The following C1orf94 variants were observed in gnomAD, a reference collection of about 807,000 sequenced individuals.
C1orf94 encodes the protein uncharacterized protein C1orf94.
In C1orf94, 45 loss-of-function variants were observed where a neutral mutation model predicts 53.6. The observed-to-expected ratio is 0.84, with a 90% confidence interval of 0.66 to 1.08. The LOEUF (loss-of-function observed/expected upper bound fraction) is 1.08. C1orf94 is among the 50% of genes least tolerant of loss of function. C1orf94 has a pLI of 0.00. For missense variants in C1orf94, 762 were observed against 738.9 expected (o/e 1.03, Z -0.36); for synonymous variants, 304 against 296.1 (o/e 1.03, Z -0.27).
chr1:34,210,015 C>G (rs1409139631), intron 5 of C1orf94, among the ~76,000 whole-genome samples: 3 of 152,168 alleles, frequency 2.0e-5, no homozygotes, highest in Admixed American at 6.5e-5. Context: ...ATGCGGCATT[C>G]TGGGCACACT....
chr1:34,193,741 T>C (rs1195720267), intron 1 of C1orf94, among the ~76,000 whole-genome samples: 1 of 152,238 alleles, frequency 6.6e-6, no homozygotes, highest in Non-Finnish European at 1.5e-5. Context: ...CATATATGGA[T>C]GACTGGCTTC....
At chr1:34,173,502 G>A (rs1330770474), upstream of C1orf94, among the ~76,000 whole-genome samples, 1 of 152,186 alleles carries the variant, frequency 6.6e-6, no homozygotes, top group East Asian at 1.9e-4. Context: ...GCTTTGACTG[G>A]ATGGGAGGTA....
At chr1:34,168,596 T>A (rs1355342971) in intron 1 of C1orf94, among the ~76,000 whole-genome samples, 1 of 152,154 alleles carries the variant, frequency 6.6e-6, no homozygotes, top group Non-Finnish European at 1.5e-5. Context: ...AACAGAAATG[T>A]ATTGCCTCAC....
intron 2 of C1orf94, among the ~76,000 whole-genome samples, chr1:34,198,408 C>T (rs1252215846): frequency 6.6e-6 from 1 of 152,176 alleles, no homozygotes; most frequent in Non-Finnish European, 1.5e-5. Context: ...GTAAATTATC[C>T]AGGCATAGTG....
At chr1:34,216,403 G>T (rs941224814) in intron 6 of C1orf94, among the ~76,000 whole-genome samples, 1 of 152,132 alleles carries the variant, frequency 6.6e-6, no homozygotes, top group Admixed American at 6.6e-5. Flanking sequence ...ATCTAGTGAG[G>T]TGGGGAAAAA....
chr1:34,202,610 G>A (rs1250059417), intron 4 of C1orf94, among the ~76,000 whole-genome samples: 4 of 152,192 alleles, frequency 2.6e-5, no homozygotes, highest in African/African-American at 9.7e-5. Flanking sequence ...GGCTGGTTAA[G>A]TGCTTGGGCT....
At chr1:34,189,879 G>A (rs933676555) in intron 1 of C1orf94, among the ~76,000 whole-genome samples, 24 of 152,320 alleles carry the variant, frequency 1.6e-4, no homozygotes, top group Admixed American at 1.6e-3. Flanking sequence ...AATTGTAGAA[G>A]GTCACCCGTC....
chr1:34,178,392 A>C (rs1054584281), intron 1 of C1orf94, among the ~76,000 whole-genome samples: 6 of 152,184 alleles, frequency 3.9e-5, no homozygotes, highest in Non-Finnish European at 7.3e-5. Context: ...GGTCCTTGAA[A>C]AACCACCCTA....
At chr1:34,210,673 T>A (rs1642873903) in intron 5 of C1orf94, among the ~76,000 whole-genome samples, 2 of 151,812 alleles carry the variant, frequency 1.3e-5, no homozygotes, top group South Asian at 2.1e-4. Flanking sequence ...TTTTTTTTTT[T>A]AGACGGAGTC....
At chr1:34,196,414 T>C (rs548764285) in intron 1 of C1orf94, among the ~76,000 whole-genome samples, 22 of 152,204 alleles carry the variant, frequency 1.4e-4, no homozygotes, top group African/African-American at 5.3e-4. Context: ...TCCCCACTGC[T>C]GGTGCTGTAC....
rs1211655404 is a variant in C1orf94, at chr1:34,218,692, C to G, written c.1728C>G (p.Gly576=). 2 of 1,611,812 alleles carry G rather than the reference C, an allele frequency of 1.2e-6. No individual in the cohort carries two copies. The highest frequency in any genetic ancestry group is 3.3e-5 in the Admixed American group (2 of 59,958). Residue 576 remains glycine (G), a synonymous_variant, in exon 7 of 7, where the codon GGC becomes GGG. Coordinates refer to ENST00000488417, the MANE Select transcript of C1orf94 (RefSeq NM_001134734.2). ...CACCCTCCCTCTCTTCCAGGTTCGGCTCGACATCCGGAGGGCCCTTGATGC... is the reference window on the plus strand; with the variant it reads ...CACCCTCCCTCTCTTCCAGGTTCGGGTCGACATCCGGAGGGCCCTTGATGC... ...QYLFPQGYGF[G]STSGGPLMHS... is the part of the protein sequence containing the mutation.
chr1:34,197,383 G>A lies in C1orf94; in HGVS notation c.479G>A (p.Cys160Tyr). 1 of 1,613,326 alleles carries A rather than the reference G, an allele frequency of 6.2e-7. No homozygotes were observed. Residue 160 changes from cysteine (C) to tyrosine (Y), a missense_variant, in exon 2 of 7, where the codon TGC (cysteine) becomes TAC (tyrosine). By Grantham distance (194) the Cys-to-Tyr change is radical. Coordinates refer to ENST00000488417, the MANE Select transcript of C1orf94 (RefSeq NM_001134734.2). This position sits in a 1 kb window ranked among gnomAD's most constrained non-coding sequence, Gnocchi z 4.1. ...SPEGTRELAPCILAPPLVAGS... is the reference protein window; with the variant it reads ...SPEGTRELAPYILAPPLVAGS... Reference sequence around the variant, plus strand: ...GAGGGGACCAGAGAGCTGGCTCCCTGCATTCTTGCCCCTCCTCTAGTGGCA... The same window carrying A: ...GAGGGGACCAGAGAGCTGGCTCCCTACATTCTTGCCCCTCCTCTAGTGGCA...
At chr1:34,200,572 G>C in intron 2 of C1orf94, among the ~76,000 whole-genome samples, 200 bp from the exon 3 acceptor site, 1 of 152,144 alleles carries the variant, frequency 6.6e-6, no homozygotes, top group East Asian at 1.9e-4. Flanking sequence ...ATTGATGGAT[G>C]CATGAGATCG....
chr1:34,169,603 G>GAGAGAGAGAGAGAGAGAA (rs1642110313), intron 1 of C1orf94, among the ~76,000 whole-genome samples: 2 of 82,254 alleles, frequency 2.4e-5, no homozygotes, highest in African/African-American at 9.3e-5. Flanking sequence ...AGCTGAGAGA[G>GAGAGAGAGAGAGAGAGAA]AGAGAGAGAG....
In C1orf94 at chr1:34,212,324, C is replaced by A. The variant is rs373171181; in HGVS notation, c.1639C>A (p.Pro547Thr). Residue 547 changes from proline to threonine, a missense_variant, in exon 6 of 7, where the codon CCT becomes ACT. Physicochemically the swap from Pro to Thr is conservative, Grantham distance 38 (BLOSUM62 -1). Coordinates refer to ENST00000488417, the MANE Select transcript of C1orf94 (RefSeq NM_001134734.2). ...QPNYPYPQRT[P>T]PKMSANPRDP... is the part of the protein sequence containing the mutation. ...CAATTATCCCTACCCTCAGAGGACACCTCCAAAGATGTCTGCCAACCCCCG... is the reference window on the plus strand; with the variant it reads ...CAATTATCCCTACCCTCAGAGGACAACTCCAAAGATGTCTGCCAACCCCCG... 1 of 1,614,000 alleles carries A rather than the reference C, an allele frequency of 6.2e-7. No individual in the cohort carries two copies. Among genetic ancestry groups the A allele is most frequent in the Admixed American group, 1.7e-5 (1 of 60,010 alleles).
At chr1:34,188,046 CG>C (rs1385706082) in intron 1 of C1orf94, among the ~76,000 whole-genome samples, 1 of 151,964 alleles carries the variant, frequency 6.6e-6, no homozygotes, top group Non-Finnish European at 1.5e-5. Flanking sequence ...CTGGGGAAAA[CG>C]GGGATGCCAC....
chr1:34,211,200 A>G (rs1642884272), intron 5 of C1orf94, among the ~76,000 whole-genome samples: 1 of 151,996 alleles, frequency 6.6e-6, no homozygotes, highest in Admixed American at 6.5e-5. Context: ...CGAGCCCCCC[A>G]TCATTTAGGT....
Position 34,216,420 on chromosome 1 carries a change from A to G in C1orf94, c.1722-2266A>G, listed in dbSNP as rs370777268. ...CTAGTGAGGTGGGGAAAAAAATGGGAAAGTGGAGTGCAGGAAGCCAAGTGA... is the reference window on the plus strand; with the variant it reads ...CTAGTGAGGTGGGGAAAAAAATGGGGAAGTGGAGTGCAGGAAGCCAAGTGA... On this transcript the variant is annotated intron_variant, in intron 6 of 6. Coordinates refer to ENST00000488417, the MANE Select transcript of C1orf94 (RefSeq NM_001134734.2). Among the ~76,000 whole-genome samples the G allele has an allele frequency of 4.1e-4, 62 of 152,174 alleles. 1 individual carries two copies. The highest frequency in any genetic ancestry group is 3.4e-3 in the Middle Eastern group (1 of 294).
intron 5 of C1orf94, among the ~76,000 whole-genome samples, chr1:34,209,449 T>C (rs1571349848): frequency 7.7e-6 from 1 of 130,190 alleles, no homozygotes; most frequent in South Asian, 2.9e-4. Context: ...GGGATGGGGG[T>C]GTGAGGAAAG....
Sources: allele counts gnomAD v4.1 joint callset (sites outside exome capture counted in the v4.1 genomes callset), GRCh38; gene constraint gnomAD v4.1.1; non-coding constraint Gnocchi (gnomAD v3.1); transcripts MANE v1.5; gene names NCBI Gene and HGNC (gene_info 2026-07-23, HGNC 2026-07-21).